Variants in DSG1 observed in about 807,000 individuals in gnomAD.
DSG1 encodes the protein desmoglein 1.
DSG1 carries 39 observed loss-of-function variants against 97.5 expected under a neutral mutation model. That is an observed-to-expected ratio of 0.40 (90% CI 0.31 to 0.52). DSG1 has a LOEUF of 0.52. DSG1 is among the 20% of genes least tolerant of loss of function. The pLI is 0.53. For missense variants in DSG1, 1,311 were observed against 1,295.4 expected (o/e 1.01, Z -0.18); for synonymous variants, 475 against 443.4 (o/e 1.07, Z -0.90).
At chr18:31,343,337 A>G in intron 11 of DSG1, 113 bp from the exon 12 acceptor site, 1 of 1,471,260 alleles carries the variant, frequency 6.8e-7, no homozygotes, top group Non-Finnish European at 9.5e-7. Flanking sequence ...TCATAATTTT[A>G]GAACCAACCA....
At chr18:31,326,225 T>A (rs866921175) in intron 1 of DSG1, among the ~76,000 whole-genome samples, 11 of 152,050 alleles carry the variant, frequency 7.2e-5, no homozygotes, top group Non-Finnish European at 1.5e-4. Flanking sequence ...ATTACTACTG[T>A]TAGTATTTTT....
At chr18:31,353,557 C>T (rs1433108033) in intron 14 of DSG1, among the ~76,000 whole-genome samples, 1 of 152,212 alleles carries the variant, frequency 6.6e-6, no homozygotes, top group Non-Finnish European at 1.5e-5. Flanking sequence ...TGGCGGGCGC[C>T]CCTCCCCCAG....
chr18:31,344,802 A>T (rs1254565147), intron 13 of DSG1, among the ~76,000 whole-genome samples: 1 of 152,244 alleles, frequency 6.6e-6, no homozygotes, highest in Admixed American at 6.5e-5. Context: ...AAATAGTTGT[A>T]TCACATTACT....
rs112403465 is a variant in DSG1, at chr18:31,340,867, A to T, written c.1687+842A>T. ...TATTAATAAAAGGATAGTCAAATAG[A>T]CCGAGGGTTAAACTCTGGTTTCTAA... On this transcript the variant is annotated intron_variant, in intron 11 of 14. Transcript: ENST00000257192. 1.1e-3 allele frequency among the ~76,000 whole-genome samples: 174 copies of T among 152,320 alleles called. 1 individual carries two copies. Among genetic ancestry groups the T allele is most frequent in the African/African-American group, 4.1e-3 (169 of 41,574 alleles).
chr18:31,335,608 A>G (rs1251937759), intron 8 of DSG1, among the ~76,000 whole-genome samples: 1 of 151,692 alleles, frequency 6.6e-6, no homozygotes, highest in Non-Finnish European at 1.5e-5. Context: ...TAGAACAAAG[A>G]TTCAAAATTT....
intron 11 of DSG1, among the ~76,000 whole-genome samples, chr18:31,341,538 T>G (rs1207299181): frequency 6.6e-6 from 1 of 152,186 alleles, no homozygotes; most frequent in African/African-American, 2.4e-5. Flanking sequence ...TTTCCAAAAT[T>G]TAAAACGTAT....
intron 11 of DSG1, among the ~76,000 whole-genome samples, chr18:31,343,156 C>G (rs915282737): frequency 6.6e-5 from 10 of 152,100 alleles, no homozygotes; most frequent in African/African-American, 1.4e-4. Flanking sequence ...TAGTGATCCA[C>G]CCACTTCCAC....
At chr18:31,353,030 G>C (rs2071913740) in intron 14 of DSG1, among the ~76,000 whole-genome samples, 1 of 150,044 alleles carries the variant, frequency 6.7e-6, no homozygotes, top group East Asian at 1.9e-4. Context: ...CGTTCCTTTG[G>C]AGGAGGAGAG....
At chr18:31,343,864 G>T in intron 12 of DSG1, 62 bp from the exon 13 acceptor site, 2 of 1,364,906 alleles carry the variant, frequency 1.5e-6, no homozygotes, top group South Asian at 2.4e-5. Context: ...CCAAATGTAT[G>T]ACTGCAGAAA....
intron 1 of DSG1, among the ~76,000 whole-genome samples, chr18:31,324,291 C>CTTTT (rs79009473): frequency 6.8e-6 from 1 of 147,438 alleles, no homozygotes. Context: ...CCTCTCCTTC[C>CTTTT]TTTTTTTTTT....
chr18:31,318,947 C>T (rs2071637105), intron 1 of DSG1, among the ~76,000 whole-genome samples: 1 of 151,942 alleles, frequency 6.6e-6, no homozygotes, highest in Admixed American at 6.6e-5. Flanking sequence ...CAAAAAACGG[C>T]AGTACAGGAG....
Position 31,329,892 on chromosome 18 carries a change from A to T in DSG1, c.373A>T (p.Ile125Phe). The change falls in exon 5 of 15, where the codon ATC (isoleucine) becomes TTC (phenylalanine). Residue 125 changes from isoleucine (I) to phenylalanine (F), a missense_variant and splice_region_variant. Physicochemically the swap from Ile to Phe is conservative, Grantham distance 21. Coordinates refer to ENST00000257192, the MANE Select transcript of DSG1 (RefSeq NM_001942.4). ...TAATTATTTATCTTTTCTCTCCCAG[A>T]TCTACTGCCGAGCTCTGAACTCAAT... ...VDREVTPFFI[I>F]YCRALNSMGQ... 1 of 1,613,038 alleles carries T rather than the reference A, an allele frequency of 6.2e-7. No individual in the cohort carries two copies. Among genetic ancestry groups the T allele is most frequent in the Non-Finnish European group, 8.5e-7 (1 of 1,179,178 alleles).
chr18:31,327,905 A>T (rs1169347957), intron 3 of DSG1, among the ~76,000 whole-genome samples: 1 of 152,200 alleles, frequency 6.6e-6, no homozygotes, highest in Non-Finnish European at 1.5e-5. Context: ...GAATGAATGA[A>T]GTCATGCATG....
At chr18:31,319,530 G>A (rs147985794) in intron 1 of DSG1, among the ~76,000 whole-genome samples, 106 of 152,206 alleles carry the variant, frequency 7.0e-4, no homozygotes, top group African/African-American at 2.5e-3. Context: ...TCTTTTCAGT[G>A]GATATTTAGG....
Position 31,328,359 on chromosome 18 carries a change from T to C in DSG1, c.372+15T>C, listed in dbSNP as rs373204718. On this transcript the variant is annotated intron_variant, in intron 4 of 14. Coordinates refer to ENST00000257192, the MANE Select transcript of DSG1 (RefSeq NM_001942.4). ...CTTTCTTCATTGTAAGTGGACTTCATGTCAATATATATGTTCATGCTTAAA... is the reference window on the plus strand; with the variant it reads ...CTTTCTTCATTGTAAGTGGACTTCACGTCAATATATATGTTCATGCTTAAA... 4 of 1,607,350 alleles carry C rather than the reference T, an allele frequency of 2.5e-6. No homozygotes were observed. The highest frequency in any genetic ancestry group is 2.7e-5 in the African/African-American group (2 of 74,762).
In DSG1 at chr18:31,331,763, A is replaced by G; in HGVS notation, c.580A>G (p.Ile194Val). The G allele has an allele frequency of 1.2e-6, 2 of 1,612,942 alleles. No individual in the cohort carries two copies. Among genetic ancestry groups the G allele is most frequent in the Non-Finnish European group, 1.7e-6 (2 of 1,179,188 alleles). ...ADEPNNLNSKIAFKIIRQEPS... is the reference protein window; with the variant it reads ...ADEPNNLNSKVAFKIIRQEPS... ...TGAACCGAACAATTTGAACTCAAAA[A>G]TAGCCTTCAAGATTATAAGACAAGA... Residue 194 changes from isoleucine (I) to valine (V), a missense_variant, in exon 6 of 15, where the codon ATA becomes GTA. By Grantham distance (29) the Ile-to-Val change is conservative (BLOSUM62 3). This residue lies in a region of DSG1 where 259 missense variants were observed against 304.1 expected (regional missense o/e 0.85). Coordinates refer to ENST00000257192, the MANE Select transcript of DSG1 (RefSeq NM_001942.4).
Position 31,338,441 on chromosome 18 carries a change from T to A in DSG1, c.1392T>A (p.Ile464=). 1.9e-6 allele frequency: 3 copies of A among 1,613,404 alleles called. No individual in the cohort carries two copies. The highest frequency in any genetic ancestry group is 2.5e-6 in the Non-Finnish European group (3 of 1,179,458). Residue 464 remains isoleucine, a synonymous_variant, in exon 10 of 15, where the codon ATT becomes ATA. Coordinates refer to ENST00000257192, the MANE Select transcript of DSG1 (RefSeq NM_001942.4). ...TCGGAGGAAAATACCAAGGAACGAT[T>A]CTCTCTATAGATGGTAAGAAATTAA... ...NMLGGKYQGT[I]LSIDDNLQRT...
chr18:31,333,874 A>G, intron 7 of DSG1, 143 bp from the exon 8 acceptor site: 1 of 1,171,794 alleles, frequency 8.5e-7, no homozygotes, highest in South Asian at 1.3e-5. Flanking sequence ...TGCAAGAATA[A>G]ATGGAGTTAA....
At chr18:31,335,482 T>G (rs978119210) in intron 8 of DSG1, among the ~76,000 whole-genome samples, 6 of 152,068 alleles carry the variant, frequency 3.9e-5, no homozygotes, top group African/African-American at 1.4e-4. Context: ...TGCCCAGACA[T>G]ATCATATATT....
Sources: gnomAD v4.1 joint callset for allele counts (sites outside exome capture counted in the v4.1 genomes callset) on GRCh38, gnomAD v4.1.1 for gene constraint, gnomAD v4.1.1 regional missense constraint, MANE v1.5 for transcripts, NCBI Gene and HGNC (gene_info 2026-07-23, HGNC 2026-07-21) for gene names.